Variants in NFE2L3 observed in about 807,000 individuals in gnomAD.
NFE2L3 encodes NFE2 like bZIP transcription factor 3, also known as nuclear factor erythroid 2-related factor 3.
NFE2L3 carries 18 observed loss-of-function variants against 23.5 expected under a neutral mutation model. The ratio of observed to expected loss-of-function variants is 0.77; its 90% CI spans 0.53 to 1.13. The LOEUF (loss-of-function observed/expected upper bound fraction) is 1.13. Ranked by LOEUF, NFE2L3 falls within the 50% of genes most tolerant of loss-of-function variation. The probability of loss-of-function intolerance (pLI) is 0.00; values close to 1 mark genes in which losing one functional copy is unlikely to be tolerated. For synonymous variants in NFE2L3, 424 were observed against 354.5 expected (o/e 1.20, Z -2.20); for missense variants, 1,152 against 877.2 (o/e 1.31, Z -3.96).
chr7:26,160,948 G>A (rs1444817775), intron 1 of NFE2L3, among the ~76,000 whole-genome samples: 1 of 152,218 alleles, frequency 6.6e-6, no homozygotes, highest in African/African-American at 2.4e-5. Context: ...AAATGACACT[G>A]TATGTTTAAG....
intron 1 of NFE2L3, among the ~76,000 whole-genome samples, chr7:26,153,540 C>A (rs147971658): frequency 6.6e-6 from 1 of 152,300 alleles, no homozygotes; most frequent in East Asian, 1.9e-4. Flanking sequence ...AGCCCAATTG[C>A]TGTTCGTTTT....
intron 2 of NFE2L3, among the ~76,000 whole-genome samples, chr7:26,181,417 C>CAA (rs1460246056): frequency 5.3e-5 from 8 of 152,114 alleles, no homozygotes; most frequent in Admixed American, 6.6e-5. Context: ...TTCCAGATGA[C>CAA]AACTCTGGAA....
At position 26,186,712 on chromosome 7, in the gene NFE2L3, T is replaced by TA. The variant is rs1359327461; in HGVS notation, c.*932dup. The stretch of plus-strand genomic sequence containing the variant: ...TCTCACCAGAACACTGTAAGCCATA[T>TA]AAACAGTAGGGAAAGAGTCAGCAAC... On this transcript the variant is annotated 3_prime_UTR_variant, in exon 4 of 4. Coordinates refer to ENST00000056233, the MANE Select transcript of NFE2L3 (RefSeq NM_004289.7). The TA allele has an allele frequency of 6.6e-6, 1 of 152,128 alleles. No individual in the cohort carries two copies. The highest frequency in any genetic ancestry group is 1.5e-5 in the Non-Finnish European group (1 of 68,028). 9.4% of individuals were successfully genotyped at this position (152,128 alleles called of 1,614,324 possible).
At chr7:26,184,225 G>C (rs1200646203) in intron 3 of NFE2L3, 1 of 359,326 alleles carries the variant, frequency 2.8e-6, no homozygotes, top group Non-Finnish European at 5.1e-6. Context: ...CAACCGCTAG[G>C]ATGAGTTGCA....
rs1239040344 is a variant in NFE2L3, at chr7:26,186,358, C to T, written c.*575C>T. 2 of 152,234 alleles carry T rather than the reference C, an allele frequency of 1.3e-5. No homozygotes were observed. The highest frequency in any genetic ancestry group is 4.8e-5 in the African/African-American group (2 of 41,440). The allele number at this position is 152,234 out of a possible 1,614,324, so 9.4% of individuals were successfully genotyped here. ...CCTTACTTTCCTTCCAAAATATCCA[C>T]ATTCAGGAATATAGGTGAATAACAA... On this transcript the variant is annotated 3_prime_UTR_variant, in exon 4 of 4. Transcript: ENST00000056233.
Position 26,185,645 on chromosome 7 carries a change from A to G in NFE2L3, c.1947A>G (p.Leu649=), listed in dbSNP as rs768058450. 1.4e-5 allele frequency: 23 copies of G among 1,613,848 alleles called. No homozygotes were observed. The Admixed American group carries it at 2.8e-4, about 20-fold the overall frequency. ...HDLYHDIFSR[L]RDDQGRPVNP... Reference sequence around the variant, plus strand: ...TTTATCATGATATTTTTAGTAGATTAAGAGATGACCAAGGTAGGCCAGTCA... The same window carrying G: ...TTTATCATGATATTTTTAGTAGATTGAGAGATGACCAAGGTAGGCCAGTCA... Residue 649 remains leucine, a synonymous_variant, in exon 4 of 4, where the codon TTA becomes TTG. Transcript: ENST00000056233.
intron 1 of NFE2L3, among the ~76,000 whole-genome samples, chr7:26,163,642 T>A (rs552566955): frequency 6.6e-5 from 10 of 152,282 alleles, no homozygotes; most frequent in Non-Finnish European, 1.5e-4. Flanking sequence ...CTACCACACG[T>A]GGCCAGGATT....
Position 26,185,525 on chromosome 7 carries a change from T to C in NFE2L3, c.1827T>C (p.Asp609=). Residue 609 remains aspartate, a synonymous_variant, in exon 4 of 4, where the codon GAT becomes GAC. Coordinates refer to ENST00000056233, the MANE Select transcript of NFE2L3 (RefSeq NM_004289.7). Reference sequence around the variant, plus strand: ...ACATAATTTTGAATTTAGAAGATGATGTATGTAACTTGCAAGCAAAGAAGG... The same window carrying C: ...ACATAATTTTGAATTTAGAAGATGACGTATGTAACTTGCAAGCAAAGAAGG... ...KLDIILNLED[D]VCNLQAKKET... 5 of 1,613,550 alleles carry C rather than the reference T, an allele frequency of 3.1e-6. No individual in the cohort carries two copies. The highest frequency in any genetic ancestry group is 4.2e-6 in the Non-Finnish European group (5 of 1,179,534).
Position 26,153,022 on chromosome 7 carries a change from C to G in NFE2L3, c.524C>G (p.Ala175Gly). The G allele has an allele frequency of 6.6e-7, 1 of 1,525,020 alleles. No individual in the cohort carries two copies. Among genetic ancestry groups the G allele is most frequent in the East Asian group, 2.6e-5 (1 of 38,500 alleles). The allele number at this position is 1,525,020 out of a possible 1,614,324, so 94.5% of individuals were successfully genotyped here. The part of the protein sequence containing the change: ...LDAGEEEKAP[A>G]EPTAQVPDAG... ...GCCGGGGAAGAGGAGAAGGCACCCG[C>G]GGAACCGACGGCTCAGGTGCCGGAC... The change falls in exon 1 of 4, where the codon GCG (alanine) becomes GGG (glycine). Residue 175 changes from alanine (A) to glycine (G), a missense_variant. Ala to Gly is a moderately conservative substitution (Grantham distance 60). Transcript: ENST00000056233.
chr7:26,161,526 C>T (rs1784173785), intron 1 of NFE2L3, among the ~76,000 whole-genome samples: 1 of 151,896 alleles, frequency 6.6e-6, no homozygotes, highest in Admixed American at 6.6e-5. Context: ...CCAGGTGGTT[C>T]TTGTGCCATC....
chr7:26,178,844 G>C (rs1224446866), intron 2 of NFE2L3, among the ~76,000 whole-genome samples: 1 of 151,974 alleles, frequency 6.6e-6, no homozygotes, highest in African/African-American at 2.4e-5. Context: ...CTTCCACCTG[G>C]AAGGCATACC....
At chr7:26,154,113 G>A in intron 1 of NFE2L3, among the ~76,000 whole-genome samples, 1 of 152,010 alleles carries the variant, frequency 6.6e-6, no homozygotes. Flanking sequence ...CACCCTCCTG[G>A]AGGGGTCATT....
intron 1 of NFE2L3, among the ~76,000 whole-genome samples, chr7:26,169,497 G>A (rs184827252): frequency 7.9e-5 from 12 of 152,282 alleles, no homozygotes; most frequent in Non-Finnish European, 1.5e-4. Flanking sequence ...TAGGGGAGGC[G>A]ACTCTTGGCT....
chr7:26,179,887 ACCTT>A (rs1784476668), intron 2 of NFE2L3, among the ~76,000 whole-genome samples: 1 of 152,020 alleles, frequency 6.6e-6, no homozygotes, highest in African/African-American at 2.4e-5. Context: ...TCACGTGGGC[ACCTT>A]TTCGTGTATA....
intron 1 of NFE2L3, among the ~76,000 whole-genome samples, chr7:26,164,533 G>A (rs1444410939): frequency 6.6e-6 from 1 of 152,138 alleles, no homozygotes; most frequent in African/African-American, 2.4e-5. Context: ...ATTTGTTTGA[G>A]TTCTTTGTAG....
chr7:26,153,712 A>G (rs141693642), intron 1 of NFE2L3, among the ~76,000 whole-genome samples: 8 of 152,294 alleles, frequency 5.3e-5, no homozygotes, highest in Non-Finnish European at 7.4e-5. Flanking sequence ...CTTGGCAGTC[A>G]CTTAGTGACT....
In NFE2L3 at chr7:26,185,533, A is replaced by G; in HGVS notation, c.1835A>G (p.Asn612Ser). The change falls in exon 4 of 4, where the codon AAC becomes AGC. Residue 612 changes from asparagine (N) to serine (S), a missense_variant. Physicochemically the swap from Asn to Ser is conservative, Grantham distance 46. Coordinates refer to ENST00000056233, the MANE Select transcript of NFE2L3 (RefSeq NM_004289.7). ...IILNLEDDVC[N>S]LQAKKETLKR... ...TTGAATTTAGAAGATGATGTATGTA[A>G]CTTGCAAGCAAAGAAGGAAACTCTT... The G allele has an allele frequency of 6.2e-7, 1 of 1,613,958 alleles. No individual in the cohort carries two copies. Among genetic ancestry groups the G allele is most frequent in the Non-Finnish European group, 8.5e-7 (1 of 1,179,842 alleles).
intron 1 of NFE2L3, among the ~76,000 whole-genome samples, chr7:26,172,845 G>T (rs1330168681): frequency 6.6e-6 from 1 of 152,128 alleles, no homozygotes; most frequent in Non-Finnish European, 1.5e-5. Context: ...GATTTCTCCT[G>T]TAGTGTTATT....
In NFE2L3 at chr7:26,184,549, A is replaced by C; in HGVS notation, c.851A>C (p.Asp284Ala). ...ENSLEGISLG[D>A]IPLPGSISDG... The stretch of plus-strand genomic sequence containing the variant: ...GTTTTTCAGGGCATCTCATTGGGAG[A>C]TATTCCTCTTCCAGGCAGTATCAGT... Residue 284 changes from aspartate to alanine, a missense_variant, in exon 4 of 4, where the codon GAT becomes GCT. Transcript: ENST00000056233. The C allele has an allele frequency of 1.9e-6, 3 of 1,611,414 alleles. No individual in the cohort carries two copies. Among genetic ancestry groups the C allele is most frequent in the Non-Finnish European group, 2.5e-6 (3 of 1,178,292 alleles).
Sources: allele counts gnomAD v4.1 joint callset (sites outside exome capture counted in the v4.1 genomes callset), GRCh38; gene constraint gnomAD v4.1.1; transcripts MANE v1.5; gene names NCBI Gene and HGNC (gene_info 2026-07-23, HGNC 2026-07-21).